PC: variants seen among roughly 807,000 people sequenced by gnomAD.
PC encodes the protein pyruvate carboxylase.
Under a neutral mutation model 107.8 loss-of-function variants are expected in PC, and 46 were observed. The observed-to-expected ratio is 0.43, with a 90% CI of 0.34 to 0.55. The LOEUF (loss-of-function observed/expected upper bound fraction) is 0.55. PC is among the 20% of genes least tolerant of loss of function. PC has a pLI of 0.04. For missense variants in PC, 1,241 were observed against 1,643.1 expected, an observed-to-expected ratio of 0.76 and a Z score of 4.23; for synonymous variants, 662 against 684.7, an observed-to-expected ratio of 0.97 and a Z score of 0.52.
At chr11:66,937,160 T>C (rs1437011685) in intron 3 of PC, among the ~76,000 whole-genome samples, 2 of 152,112 alleles carry the variant, frequency 1.3e-5, no homozygotes, top group African/African-American at 4.8e-5. Flanking sequence ...CAGGCCTTCC[T>C]ACAGGTCAAG....
chr11:66,854,117 TC>T (rs2135827119), intron 12 of PC, among the ~76,000 whole-genome samples: 1 of 152,192 alleles, frequency 6.6e-6, no homozygotes, highest in Non-Finnish European at 1.5e-5. Flanking sequence ...CATCACCCAC[TC>T]CTCCCATGCC....
At chr11:66,851,557 G>T (rs1385898405) in intron 16 of PC, among the ~76,000 whole-genome samples, 6 of 152,208 alleles carry the variant, frequency 3.9e-5, no homozygotes, top group African/African-American at 1.4e-4. Flanking sequence ...AGTGACCCAG[G>T]CAAGTCTCAG....
intron 3 of PC, among the ~76,000 whole-genome samples, chr11:66,899,654 C>T (rs1208301223): frequency 6.6e-6 from 1 of 152,222 alleles, no homozygotes; most frequent in Non-Finnish European, 1.5e-5. Flanking sequence ...TTGAGGTAGT[C>T]TAGATACAAG....
chr11:66,860,257 C>A, intron 12 of PC: 1 of 1,535,450 alleles, frequency 6.5e-7, no homozygotes, highest in Non-Finnish European at 8.7e-7. Flanking sequence ...GGCCCGGGGC[C>A]GCCGCCTGGC....
In PC at chr11:66,872,592, G is replaced by A. The variant is rs574981923; in HGVS notation, c.1-433C>T. On this transcript the variant is annotated intron_variant, in intron 3 of 22. Transcript: ENST00000393960. ...AAATACAAAAAAAAAAAAATTAGCC[G>A]GGCGTGGTGGCGGGCATCTGTAGTC... Among the ~76,000 whole-genome samples, 12 of 151,924 alleles carry A rather than the reference G, an allele frequency of 7.9e-5. 1 individual carries two copies. The highest frequency in any genetic ancestry group is 1.3e-4 in the Non-Finnish European group (9 of 67,960).
chr11:66,947,743 C>A (rs1328770951), intron 3 of PC, among the ~76,000 whole-genome samples: 1 of 151,226 alleles, frequency 6.6e-6, no homozygotes, highest in African/African-American at 2.4e-5. Context: ...TGGGGTGGAT[C>A]ATTTGAGGTC....
At chr11:66,955,939 G>C (rs1356770853) in intron 1 of PC, among the ~76,000 whole-genome samples, 1 of 152,004 alleles carries the variant, frequency 6.6e-6, no homozygotes, top group Non-Finnish European at 1.5e-5. Context: ...GGCCTGGCTA[G>C]TTTTTGTATT....
chr11:66,871,341 T>G lies in PC; in HGVS notation c.461A>C (p.Glu154Ala). ...EVVRKMGDKV[E>A]ARAIAIAAGV... ...CGCAGCAATGGCGATGGCCCGGGCCTCCACCTTGTCTCCCATCTTGCGGAC... is the reference window on the plus strand; with the variant it reads ...CGCAGCAATGGCGATGGCCCGGGCCGCCACCTTGTCTCCCATCTTGCGGAC... The change falls in exon 6 of 23, where the codon GAG becomes GCG. Residue 154 changes from glutamate (E) to alanine (A), a missense_variant. Physicochemically the swap from Glu to Ala is moderately radical, Grantham distance 107. Transcript: ENST00000393960. The surrounding 1 kb of genome is among the most constrained non-coding windows in gnomAD (Gnocchi z 7.4). 6.2e-7 allele frequency: 1 copy of G among 1,613,898 alleles called. No individual in the cohort carries two copies. Among genetic ancestry groups the G allele is most frequent in the Non-Finnish European group, 8.5e-7 (1 of 1,179,996 alleles).
chr11:66,941,910 C>T (rs985314648), intron 3 of PC, among the ~76,000 whole-genome samples: 1 of 151,752 alleles, frequency 6.6e-6, no homozygotes, highest in African/African-American at 2.4e-5. Flanking sequence ...TGAGATCAGC[C>T]TGACCAACAT....
rs975199213 is a variant in PC at position 66,866,585 on chromosome 11, C to G, written c.1023-236G>C. 1.1e-4 allele frequency among the ~76,000 whole-genome samples: 17 copies of G among 152,128 alleles called. No homozygotes were observed. The highest frequency in any genetic ancestry group is 4.1e-4 in the African/African-American group (17 of 41,422). On this transcript the variant is annotated intron_variant, in intron 10 of 22. Transcript: ENST00000393960. The surrounding 1 kb of genome is among the most constrained non-coding windows in gnomAD (Gnocchi z 5.4). ...CAGTGCCTGGCAGCTGGAGATGGCCCGCTGAAATACCAGGACCACCTGCTC... is the reference window on the plus strand; with the variant it reads ...CAGTGCCTGGCAGCTGGAGATGGCCGGCTGAAATACCAGGACCACCTGCTC...
At position 66,870,815 on chromosome 11, in the gene PC, C is replaced by A. The variant is rs1244721509; in HGVS notation, c.711G>T (p.Lys237Asn). ...AFGNGALFVE[K>N]FIEKPRHIEV... ...CGATGTGCCGTGGCTTCTCGATGAA[C>A]TTCTCCACAAACAGCGCCCCATTCC... The change falls in exon 8 of 23, where the codon AAG becomes AAT. Residue 237 changes from lysine (K) to asparagine (N), a missense_variant. Lys to Asn is a moderately conservative substitution (Grantham distance 94, BLOSUM62 0). Coordinates refer to ENST00000393960, the MANE Select transcript of PC (RefSeq NM_001040716.2). This position sits in a 1 kb window ranked among gnomAD's most constrained non-coding sequence, Gnocchi z 6.1. 6.2e-7 allele frequency: 1 copy of A among 1,613,600 alleles called. No individual in the cohort carries two copies. Among genetic ancestry groups the A allele is most frequent in the Non-Finnish European group, 8.5e-7 (1 of 1,180,012 alleles).
At chr11:66,910,460 C>A (rs760408038) in intron 3 of PC, among the ~76,000 whole-genome samples, 1 of 152,218 alleles carries the variant, frequency 6.6e-6, no homozygotes, top group South Asian at 2.1e-4. Context: ...GCAAGACAAG[C>A]AAGTAGAGTT....
Position 66,858,533 on chromosome 11 carries a change from G to C in PC, c.1369-5150C>G, listed in dbSNP as rs771591285. On this transcript the variant is annotated intron_variant, in intron 12 of 22. Transcript: ENST00000393960. The surrounding 1 kb of genome is among the most constrained non-coding windows in gnomAD (Gnocchi z 5.9). ...AAACGTGCGCCTCCCCGCCCGGCCT[G>C]GCCGGCCGCTACTTCTGGGCAGTGC... 10 of 1,533,726 alleles carry C rather than the reference G, an allele frequency of 6.5e-6. No individual in the cohort carries two copies. The highest frequency in any genetic ancestry group is 1.4e-5 in the African/African-American group (1 of 72,954).
Position 66,853,041 on chromosome 11 carries a change from G to T in PC, c.1513+198C>A, listed in dbSNP as rs1209448235. 8.6e-6 allele frequency: 6 copies of T among 700,332 alleles called. No individual in the cohort carries two copies. The Admixed American group carries it at 1.7e-4, about 19-fold the overall frequency. The allele number at this position is 700,332 out of a possible 1,614,324, so 43.4% of individuals were successfully genotyped here. A position where few individuals can be genotyped will look rare whatever the true frequency, so the allele number is the denominator to read the frequency against. ...AGGACCACGTGGATGGAAAGGTGGG[G>T]TCTCTCAGATCAGAAGCAAGGAGAG... On this transcript the variant is annotated intron_variant, in intron 13 of 22. Transcript: ENST00000393960.
intron 3 of PC, among the ~76,000 whole-genome samples, chr11:66,928,385 C>CAA (rs752969475): frequency 0.062 from 5,886 of 94,506 alleles, 225 homozygotes; most frequent in Middle Eastern, 0.11. Context: ...GACTCCATCT[C>CAA]AAAAAAAAAA....
chr11:66,878,351 C>T (rs1374766004), intron 3 of PC, among the ~76,000 whole-genome samples: 2 of 152,208 alleles, frequency 1.3e-5, no homozygotes, highest in African/African-American at 4.8e-5. Flanking sequence ...TTGCTCTCCT[C>T]CCCTGTCCAC....
At chr11:66,849,895 G>A (rs906996593) in intron 20 of PC, 36 bp from the exon 21 acceptor site, 2 of 1,613,522 alleles carry the variant, frequency 1.2e-6, no homozygotes, top group African/African-American at 2.7e-5. Flanking sequence ...CCCAAGTCCT[G>A]CATCCAGCCC....
chr11:66,855,458 C>G (rs1006144795), intron 12 of PC, among the ~76,000 whole-genome samples: 9 of 152,202 alleles, frequency 5.9e-5, no homozygotes, highest in Middle Eastern at 3.4e-3. Context: ...GGTACCACGC[C>G]CGGCTAATTT....
intron 3 of PC, among the ~76,000 whole-genome samples, chr11:66,889,204 A>C (rs1309396137): frequency 6.6e-6 from 1 of 151,998 alleles, no homozygotes; most frequent in Non-Finnish European, 1.5e-5. Context: ...GAGGGCAGTA[A>C]AAGTGAGCTC....
Sources: gnomAD v4.1 joint callset for allele counts (sites outside exome capture counted in the v4.1 genomes callset) on GRCh38, gnomAD v4.1.1 for gene constraint, Gnocchi (gnomAD v3.1) non-coding constraint, MANE v1.5 for transcripts, NCBI Gene and HGNC (gene_info 2026-07-23, HGNC 2026-07-21) for gene names.